NTM: variants seen among roughly 807,000 people sequenced by gnomAD.
NTM encodes the protein neurotrimin.
Under a neutral mutation model 42.1 loss-of-function variants are expected in NTM, and 13 were observed. That is an observed-to-expected ratio of 0.31 (90% CI 0.20 to 0.49). NTM has a LOEUF of 0.49. Ranked by LOEUF, NTM falls within the 20% of genes least tolerant of loss-of-function variation. The pLI, the probability that NTM is intolerant of heterozygous loss-of-function variation, is 0.99. For missense variants in NTM, 373 were observed against 452.8 expected (o/e 0.82, Z 1.60); for synonymous variants, 187 against 179.2 (o/e 1.04, Z -0.35).
chr11:131,695,008 G>A (rs184517278), intron 1 of NTM, among the ~76,000 whole-genome samples: 109 of 152,284 alleles, frequency 7.2e-4, no homozygotes, highest in African/African-American at 2.4e-3. Flanking sequence ...GCCACCAGAG[G>A]GCAGTGTTGG....
At chr11:131,878,597 ATATAT>A (rs2048944947) in intron 1 of NTM, among the ~76,000 whole-genome samples, 15 of 9,702 alleles carry the variant, frequency 1.5e-3, no homozygotes, top group African/African-American at 2.8e-3. Context: ...AAAAAAAAAT[ATATAT>A]ATATATATAT....
chr11:131,815,380 C>T (rs2136347986), intron 1 of NTM, among the ~76,000 whole-genome samples: 1 of 152,236 alleles, frequency 6.6e-6, no homozygotes, highest in Non-Finnish European at 1.5e-5. Flanking sequence ...CTCGCCCACC[C>T]TGTGCTGGGC....
At chr11:131,916,183 G>A (rs556693760) in intron 2 of NTM, among the ~76,000 whole-genome samples, 22 of 152,344 alleles carry the variant, frequency 1.4e-4, no homozygotes, top group African/African-American at 4.3e-4. Context: ...CTAGCTCCTA[G>A]CTCCTGGGTG....
chr11:131,778,395 A>G (rs1166997863), intron 1 of NTM, among the ~76,000 whole-genome samples: 1 of 152,244 alleles, frequency 6.6e-6, no homozygotes, highest in African/African-American at 2.4e-5. Flanking sequence ...GTTGAATGAG[A>G]AACTTAAAAG....
intron 1 of NTM, among the ~76,000 whole-genome samples, chr11:131,684,010 C>T (rs1465692409): frequency 1.3e-5 from 2 of 152,194 alleles, no homozygotes; most frequent in African/African-American, 4.8e-5. Context: ...TGGAGTTCAG[C>T]AGAGTTGGGT....
chr11:132,195,592 A>G (rs1433018358), intron 3 of NTM, among the ~76,000 whole-genome samples: 2 of 152,140 alleles, frequency 1.3e-5, no homozygotes, highest in African/African-American at 4.8e-5. Flanking sequence ...CAGCATGGTG[A>G]TGTTACAAAA....
intron 2 of NTM, among the ~76,000 whole-genome samples, chr11:131,936,656 T>A (rs1236829528): frequency 2.6e-5 from 4 of 152,198 alleles, no homozygotes; most frequent in African/African-American, 7.2e-5. Context: ...AACAATTTTT[T>A]AAAAAACTAC....
intron 2 of NTM, among the ~76,000 whole-genome samples, chr11:132,039,055 A>C (rs1189121091): frequency 6.6e-6 from 1 of 152,178 alleles, no homozygotes; most frequent in Non-Finnish European, 1.5e-5. Flanking sequence ...ACTGGTGTCC[A>C]TGGGGTGTTT....
chr11:131,596,483 A>G (rs1198924793), intron 1 of NTM, among the ~76,000 whole-genome samples: 3 of 152,364 alleles, frequency 2.0e-5, no homozygotes, highest in Non-Finnish European at 2.9e-5. Context: ...CCCAAGGCCC[A>G]TGGTCTGCAG....
At chr11:131,418,960 C>T (rs1947233191) in intron 1 of NTM, among the ~76,000 whole-genome samples, 2 of 152,140 alleles carry the variant, frequency 1.3e-5, no homozygotes, top group Admixed American at 1.3e-4. Flanking sequence ...GAGAGATAAT[C>T]ACCAAGGTAC....
intron 1 of NTM, among the ~76,000 whole-genome samples, chr11:131,907,591 T>C (rs928746854): frequency 6.6e-6 from 1 of 152,070 alleles, no homozygotes; most frequent in Non-Finnish European, 1.5e-5. Context: ...CTGTGACAAG[T>C]TGATTTATGT....
chr11:132,251,963 G>T (rs2139390745), intron 4 of NTM, among the ~76,000 whole-genome samples: 1 of 152,278 alleles, frequency 6.6e-6, no homozygotes, highest in African/African-American at 2.4e-5. Context: ...CAAACCTGAG[G>T]CTTGCCTCAC....
At chr11:132,145,669 A>G (rs2070228255) in intron 2 of NTM, among the ~76,000 whole-genome samples, 2 of 152,222 alleles carry the variant, frequency 1.3e-5, no homozygotes, top group South Asian at 4.1e-4. Flanking sequence ...CCCTGGGTAT[A>G]ATGAAGATGA....
At chr11:131,789,946 A>G (rs1008067091) in intron 1 of NTM, among the ~76,000 whole-genome samples, 6 of 116,610 alleles carry the variant, frequency 5.1e-5, no homozygotes, top group African/African-American at 2.2e-4. Flanking sequence ...ACAGAGCGAG[A>G]CTCCGTCTCA....
At chr11:131,908,564 T>A (rs2054205415) in intron 1 of NTM, among the ~76,000 whole-genome samples, 1 of 152,194 alleles carries the variant, frequency 6.6e-6, no homozygotes, top group South Asian at 2.1e-4. Context: ...AGCATTTGTT[T>A]CCACTTGTTG....
At chr11:131,671,580 C>T (rs1177398122) in intron 1 of NTM, 1 of 985,258 alleles carries the variant, frequency 1.0e-6, no homozygotes, top group African/African-American at 1.7e-5. Flanking sequence ...TCCTCTGGAG[C>T]CCACGCTGGG....
At chr11:132,077,507 A>G (rs1485933122) in intron 2 of NTM, among the ~76,000 whole-genome samples, 6 of 152,120 alleles carry the variant, frequency 3.9e-5, no homozygotes, top group African/African-American at 1.4e-4. Context: ...CTTTTCTTCA[A>G]CCCCCACTAT....
At chr11:132,029,511 TTC>T (rs1464766955) in intron 2 of NTM, among the ~76,000 whole-genome samples, 1 of 152,008 alleles carries the variant, frequency 6.6e-6, no homozygotes, top group Admixed American at 6.6e-5. Context: ...GTTGTTGACT[TTC>T]GGTTTGGTCA....
At chr11:131,457,715 T>G (rs1951022606) in intron 1 of NTM, among the ~76,000 whole-genome samples, 1 of 149,186 alleles carries the variant, frequency 6.7e-6, no homozygotes, top group African/African-American at 2.6e-5. Context: ...CTAAATGTTT[T>G]TGTCCTCCCC....
Sources: allele counts gnomAD v4.1 joint callset (sites outside exome capture counted in the v4.1 genomes callset), GRCh38; gene constraint gnomAD v4.1.1; transcripts MANE v1.5; gene names NCBI Gene and HGNC (gene_info 2026-07-23, HGNC 2026-07-21).